DPP4: variants seen among roughly 807,000 people sequenced by gnomAD.
The protein encoded by DPP4 is dipeptidyl peptidase 4.
A neutral mutation model predicts 122.4 loss-of-function variants in DPP4; 93 were observed. That is an observed-to-expected ratio of 0.76 (90% confidence interval 0.64 to 0.90). The LOEUF is 0.90. Ranked by LOEUF, DPP4 falls within the 40% of genes least tolerant of loss-of-function variation. DPP4 has a pLI of 0.00. For synonymous variants in DPP4, 321 were observed against 302.9 expected (o/e 1.06, Z -0.62); for missense variants, 914 against 907.3 (o/e 1.01, Z -0.09).
At chr2:162,023,451 C>G (rs1243741462) in intron 11 of DPP4, among the ~76,000 whole-genome samples, 1 of 152,226 alleles carries the variant, frequency 6.6e-6, no homozygotes, top group African/African-American at 2.4e-5. Flanking sequence ...GCCTATATCT[C>G]TAGCCTCATT....
At chr2:162,058,799 G>A (rs755302508) in intron 2 of DPP4, among the ~76,000 whole-genome samples, 4 of 152,158 alleles carry the variant, frequency 2.6e-5, no homozygotes, top group African/African-American at 7.2e-5. Flanking sequence ...GCACAGCTGT[G>A]TTCCCATAAA....
intron 21 of DPP4, among the ~76,000 whole-genome samples, chr2:162,008,894 T>C (rs1255168144): frequency 6.6e-6 from 1 of 152,158 alleles, no homozygotes; most frequent in Non-Finnish European, 1.5e-5. Flanking sequence ...GAAAATTTGC[T>C]GACCCTAGTG....
At chr2:162,038,035 G>A (rs1683842258) in intron 8 of DPP4, among the ~76,000 whole-genome samples, 1 of 152,068 alleles carries the variant, frequency 6.6e-6, no homozygotes, top group Admixed American at 6.6e-5. Flanking sequence ...GGCAGAAAAG[G>A]TCTACCTACA....
intron 12 of DPP4, among the ~76,000 whole-genome samples, chr2:162,021,283 T>C (rs1319468730): frequency 1.3e-5 from 2 of 152,234 alleles, no homozygotes; most frequent in Non-Finnish European, 2.9e-5. Flanking sequence ...CTTTTCATTT[T>C]GTTAAATATG....
intron 22 of DPP4, among the ~76,000 whole-genome samples, chr2:162,007,536 T>C (rs1421124614): frequency 6.6e-6 from 1 of 152,124 alleles, no homozygotes; most frequent in Non-Finnish European, 1.5e-5. Context: ...ATATAAGAAC[T>C]CTAGACAACT....
intron 2 of DPP4, among the ~76,000 whole-genome samples, chr2:162,054,027 TG>T (rs1399363774): frequency 6.6e-6 from 1 of 150,530 alleles, no homozygotes; most frequent in Non-Finnish European, 1.5e-5. Context: ...AAAGCCTTAC[TG>T]GGGGGGTGGG....
intron 2 of DPP4, among the ~76,000 whole-genome samples, chr2:162,051,891 C>T (rs1684395672): frequency 6.6e-6 from 1 of 152,262 alleles, no homozygotes; most frequent in Non-Finnish European, 1.5e-5. Flanking sequence ...GCCTTGGGGC[C>T]TTGGGAAAAT....
chr2:162,032,180 AG>A (rs1277305581), intron 10 of DPP4: 3 of 152,208 alleles, frequency 2.0e-5, no homozygotes, highest in Admixed American at 6.5e-5. Context: ...AGTATCTAAT[AG>A]CTTGTTCGTT....
At position 162,035,938 on chromosome 2, in the gene DPP4, A is replaced by G. The variant is rs1333607910; in HGVS notation, c.614-614T>C. Among the ~76,000 whole-genome samples the G allele has an allele frequency of 2.0e-5, 3 of 152,196 alleles. 1 individual carries two copies. Among genetic ancestry groups the G allele is most frequent in the South Asian group, 4.1e-4 (2 of 4,836 alleles). On this transcript the variant is annotated intron_variant, in intron 8 of 25. Transcript: ENST00000360534. ...TTAGATTAACACACTGCTCTGGTGT[A>G]TATGCTGATGGGTAAGAGAAGAGGG...
Position 162,074,159 on chromosome 2 carries a change from C to T in DPP4, c.-178G>A, listed in dbSNP as rs1157550969. On this transcript the variant is annotated 5_prime_UTR_variant, in exon 1 of 26. Coordinates refer to ENST00000360534, the MANE Select transcript of DPP4 (RefSeq NM_001935.4). The stretch of plus-strand genomic sequence containing the variant: ...CCGAGCCCGCTGGGTATAAAGGCGC[C>T]GCGGGCAGGCTGCAGGGCAGGCGGC... 2 of 1,312,078 alleles carry T rather than the reference C, an allele frequency of 1.5e-6. No individual in the cohort carries two copies. Among genetic ancestry groups the T allele is most frequent in the East Asian group, 6.1e-5 (2 of 32,696 alleles). The allele number at this position is 1,312,078 out of a possible 1,614,324, so 81.3% of individuals were successfully genotyped here. A position where few individuals can be genotyped will look rare whatever the true frequency, so the allele number is the denominator to read the frequency against.
In DPP4 at chr2:162,020,635, G is replaced by A; in HGVS notation, c.1122C>T (p.Ile374=). The change falls in exon 13 of 26, where the codon ATC becomes ATT. Residue 374 remains isoleucine, a synonymous_variant. Transcript: ENST00000360534. ...FTLDGNSFYK[I]ISNEEGYRHI... ...GTCTGTAACCTTCTTCATTGCTGAT[G>A]ATCTTGTAGAAGCTATTACCATCAA... 2 of 1,612,762 alleles carry A rather than the reference G, an allele frequency of 1.2e-6. No individual in the cohort carries two copies. Among genetic ancestry groups the A allele is most frequent in the Non-Finnish European group, 1.7e-6 (2 of 1,179,648 alleles).
chr2:162,008,976 A>C (rs532223697), intron 21 of DPP4, among the ~76,000 whole-genome samples: 1 of 152,056 alleles, frequency 6.6e-6, no homozygotes, highest in Non-Finnish European at 1.5e-5. Context: ...GCATAAGAAA[A>C]AGTCTCCCTC....
chr2:162,072,649 G>A (rs1376290718), intron 2 of DPP4, among the ~76,000 whole-genome samples: 1 of 152,154 alleles, frequency 6.6e-6, no homozygotes, highest in Non-Finnish European at 1.5e-5. Flanking sequence ...TAAGGCCAGG[G>A]GAGACTGAAA....
At position 162,018,823 on chromosome 2, in the gene DPP4, C is replaced by A; in HGVS notation, c.1326G>T (p.Val442=). 6.2e-7 allele frequency: 1 copy of A among 1,614,146 alleles called. No individual in the cohort carries two copies. Among genetic ancestry groups the A allele is most frequent in the South Asian group, 1.1e-5 (1 of 91,076 alleles). The change falls in exon 16 of 26, where the codon GTG becomes GTT. Residue 442 remains valine, a synonymous_variant. Coordinates refer to ENST00000360534, the MANE Select transcript of DPP4 (RefSeq NM_001935.4). ...GATTCAGCTCACAACTGAGGCATGT[C>A]ACTTTTGTATAGTCACTAAGTTGGA... ...YKIQLSDYTK[V]TCLSCELNPE...
intron 2 of DPP4, among the ~76,000 whole-genome samples, chr2:162,068,561 C>T (rs1685021164): frequency 6.6e-6 from 1 of 152,128 alleles, no homozygotes; most frequent in African/African-American, 2.4e-5. Context: ...ACCAATAGTA[C>T]ACAGCAGAAG....
At chr2:162,061,891 G>A (rs560224101) in intron 2 of DPP4, among the ~76,000 whole-genome samples, 2 of 152,302 alleles carry the variant, frequency 1.3e-5, no homozygotes, top group South Asian at 4.1e-4. Context: ...TATGCTAGGT[G>A]GTAACAAGTG....
intron 25 of DPP4, among the ~76,000 whole-genome samples, chr2:161,994,148 C>T (rs116824536): frequency 0.017 from 2,630 of 152,236 alleles, 32 homozygotes; most frequent in Admixed American, 0.028. Flanking sequence ...ATTAAAGTAG[C>T]ATTTGTCTTT....
intron 10 of DPP4, among the ~76,000 whole-genome samples, chr2:162,025,263 A>C (rs897397562): frequency 2.6e-5 from 4 of 152,092 alleles, no homozygotes; most frequent in Non-Finnish European, 4.4e-5. Flanking sequence ...CCAGGGAGTC[A>C]AGGGTAATGT....
intron 11 of DPP4, among the ~76,000 whole-genome samples, chr2:162,024,268 C>A (rs1470171707): frequency 3.9e-5 from 6 of 152,258 alleles, no homozygotes; most frequent in Non-Finnish European, 8.8e-5. Flanking sequence ...AGCCTCCCAG[C>A]ACCTCAAGGT....
Sources: allele counts gnomAD v4.1 joint callset (sites outside exome capture counted in the v4.1 genomes callset), GRCh38; gene constraint gnomAD v4.1.1; transcripts MANE v1.5; gene names NCBI Gene and HGNC (gene_info 2026-07-23, HGNC 2026-07-21).